The following AP1B1 variants were observed in gnomAD, a reference collection of about 807,000 sequenced individuals.
AP1B1 encodes adaptor related protein complex 1 subunit beta 1.
A neutral mutation model predicts 104.3 loss-of-function variants in AP1B1; 36 were observed. That is an observed-to-expected ratio of 0.35 (90% CI 0.26 to 0.46). The LOEUF is 0.46. Among genes scored for constraint, AP1B1 ranks in the 20% least tolerant of loss-of-function variants. The pLI is 1.00. For synonymous variants in AP1B1, 504 were observed against 517.5 expected (o/e 0.97, Z 0.35); for missense variants, 901 against 1,247.9 (o/e 0.72, Z 4.19).
chr22:29,361,351 C>T (rs1347615001), intron 3 of AP1B1, among the ~76,000 whole-genome samples: 1 of 152,206 alleles, frequency 6.6e-6, no homozygotes, highest in African/African-American at 2.4e-5. Flanking sequence ...AGCTGCTCCA[C>T]CTCAGCACCC....
intron 1 of AP1B1, among the ~76,000 whole-genome samples, chr22:29,376,109 A>T (rs1338681046): frequency 6.6e-6 from 1 of 152,222 alleles, no homozygotes; most frequent in Non-Finnish European, 1.5e-5. Context: ...ATGTTTCCAA[A>T]GGGAAAAAAA....
At chr22:29,368,125 C>T (rs1340856173) in intron 1 of AP1B1, among the ~76,000 whole-genome samples, 1 of 152,084 alleles carries the variant, frequency 6.6e-6, no homozygotes, top group Non-Finnish European at 1.5e-5. Context: ...TGGTAAAAAC[C>T]ATCTCTACTA....
At chr22:29,363,490 T>C (rs1252059899) in intron 2 of AP1B1, among the ~76,000 whole-genome samples, 1 of 151,922 alleles carries the variant, frequency 6.6e-6, no homozygotes, top group Non-Finnish European at 1.5e-5. Flanking sequence ...TCTATTAAAA[T>C]ACAAAAAATT....
At chr22:29,342,448 A>G in intron 11 of AP1B1, 65 bp from the exon 12 acceptor site, 1 of 1,369,124 alleles carries the variant, frequency 7.3e-7, no homozygotes, top group Non-Finnish European at 1.0e-6. Context: ...GGAGAACAAA[A>G]AGGCTTGAAG....
intron 2 of AP1B1, among the ~76,000 whole-genome samples, chr22:29,364,001 T>C (rs745688521): frequency 3.2e-4 from 48 of 152,338 alleles, no homozygotes; most frequent in Middle Eastern, 6.8e-3. Context: ...TGGCAGGCTC[T>C]GCTCAGCCAG....
At chr22:29,336,805 A>C (rs1173225746) in intron 16 of AP1B1, among the ~76,000 whole-genome samples, 4 of 118,776 alleles carry the variant, frequency 3.4e-5, no homozygotes, top group Admixed American at 2.3e-4. Context: ...ACTCTGTCTC[A>C]AAAAAAAAAA....
chr22:29,347,335 G>A (rs2061808603), intron 11 of AP1B1, among the ~76,000 whole-genome samples: 1 of 152,228 alleles, frequency 6.6e-6, no homozygotes, highest in Admixed American at 6.5e-5. Context: ...CTGGCCATGT[G>A]TCAAGGACAT....
chr22:29,377,683 G>A (rs778579563), intron 1 of AP1B1, among the ~76,000 whole-genome samples: 14 of 151,690 alleles, frequency 9.2e-5, no homozygotes, highest in Non-Finnish European at 1.8e-4. Flanking sequence ...GGTGGCGGGC[G>A]CCTGTAATCA....
intron 11 of AP1B1, among the ~76,000 whole-genome samples, chr22:29,345,685 G>T (rs569005028): frequency 2.9e-3 from 442 of 150,840 alleles, no homozygotes; most frequent in African/African-American, 0.01. Context: ...GTTTTGTTTT[G>T]TTTTTTTTCT....
intron 11 of AP1B1, among the ~76,000 whole-genome samples, chr22:29,342,726 GCTT>G (rs1386470927): frequency 1.1e-4 from 17 of 152,232 alleles, no homozygotes; most frequent in Admixed American, 5.2e-4. Context: ...TGGCTGGAGT[GCTT>G]CTTATCAGGA....
intron 1 of AP1B1, among the ~76,000 whole-genome samples, chr22:29,379,236 CCAA>C (rs1326955782): frequency 2.0e-5 from 3 of 152,062 alleles, no homozygotes; most frequent in African/African-American, 7.2e-5. Flanking sequence ...ACCTATAGTC[CCAA>C]CTACTCAGGA....
chr22:29,335,199 G>A (rs1162938528), intron 16 of AP1B1, among the ~76,000 whole-genome samples: 2 of 152,122 alleles, frequency 1.3e-5, no homozygotes, highest in Non-Finnish European at 2.9e-5. Context: ...ATGAGTTAGA[G>A]CCCTGCCATG....
intron 5 of AP1B1, 23 bp from the exon 6 acceptor site, chr22:29,356,639 C>A: frequency 6.2e-7 from 1 of 1,610,402 alleles, no homozygotes; most frequent in South Asian, 1.1e-5. Flanking sequence ...GTGGGAGGGG[C>A]AGAGGCTGGG....
chr22:29,367,030 T>C (rs1307259414), intron 2 of AP1B1, among the ~76,000 whole-genome samples, 177 bp downstream of exon 2: 3 of 152,044 alleles, frequency 2.0e-5, no homozygotes, highest in Non-Finnish European at 4.4e-5. Flanking sequence ...AAAGGAGTGG[T>C]CAATTTCTTA....
rs1184836282 is a variant in AP1B1, at chr22:29,349,395, G to C, written c.1272-12C>G. ...TCACACTCTCATACCTGGGAGACCA[G>C]GGCACAGTTGGTATGGGAGCCCTCA... is the stretch of plus-strand genomic sequence containing the variant. On this transcript the variant is annotated splice_polypyrimidine_tract_variant and intron_variant, in intron 10 of 22. Transcript: ENST00000357586. 4 of 1,612,908 alleles carry C rather than the reference G, an allele frequency of 2.5e-6. No individual in the cohort carries two copies. The Admixed American group carries it at 6.7e-5, about 27-fold the overall frequency.
chr22:29,335,058 T>G (rs1472559575), intron 16 of AP1B1, among the ~76,000 whole-genome samples: 1 of 152,194 alleles, frequency 6.6e-6, no homozygotes, highest in Non-Finnish European at 1.5e-5. Flanking sequence ...CAGATAAATA[T>G]GAGCTTGTGT....
At chr22:29,366,833 G>GACACAC (rs200885223) in intron 2 of AP1B1, among the ~76,000 whole-genome samples, 1,615 of 131,354 alleles carry the variant, frequency 0.012, 17 homozygotes, top group African/African-American at 0.023. Flanking sequence ...CTTGGATAAG[G>GACACAC]ACACACACAC....
chr22:29,375,977 C>T (rs1267789952), intron 1 of AP1B1, among the ~76,000 whole-genome samples: 1 of 152,190 alleles, frequency 6.6e-6, no homozygotes, highest in Non-Finnish European at 1.5e-5. Context: ...CAAATCTCTC[C>T]CACATCTCAC....
intron 17 of AP1B1, among the ~76,000 whole-genome samples, chr22:29,333,890 C>T (rs915984907): frequency 1.3e-5 from 2 of 151,180 alleles, no homozygotes; most frequent in African/African-American, 2.4e-5. Context: ...ATGGTGAAAC[C>T]CCATCTCTAC....
Sources: allele counts gnomAD v4.1 joint callset (sites outside exome capture counted in the v4.1 genomes callset), GRCh38; gene constraint gnomAD v4.1.1; transcripts MANE v1.5; gene names NCBI Gene and HGNC (gene_info 2026-07-23, HGNC 2026-07-21).